The following UNC13C variants were observed in gnomAD, a reference collection of about 807,000 sequenced individuals.
The protein encoded by UNC13C is unc-13 homolog C.
Under a neutral mutation model 245.4 loss-of-function variants are expected in UNC13C, and 174 were observed. The ratio of observed to expected loss-of-function variants is 0.71; its 90% CI spans 0.63 to 0.80. The LOEUF (loss-of-function observed/expected upper bound fraction) is 0.80. Ranked by LOEUF, UNC13C falls within the 30% of genes least tolerant of loss-of-function variation. The pLI is 0.00. For synonymous variants in UNC13C, 992 were observed against 895.1 expected (o/e 1.11, Z -1.93); for missense variants, 2,829 against 2,602.9 (o/e 1.09, Z -1.89).
chr15:54,354,931 G>A (rs1243188052), intron 17 of UNC13C, among the ~76,000 whole-genome samples: 1 of 152,130 alleles, frequency 6.6e-6, no homozygotes, highest in East Asian at 1.9e-4. Flanking sequence ...CAAGGGCTCT[G>A]CCCACATGAA....
At chr15:54,019,540 A>G (rs1187977405) in intron 2 of UNC13C, among the ~76,000 whole-genome samples, 2 of 152,230 alleles carry the variant, frequency 1.3e-5, no homozygotes, top group African/African-American at 4.8e-5. Flanking sequence ...TTGTATTTGC[A>G]GTCTGATACA....
intron 1 of UNC13C, among the ~76,000 whole-genome samples, chr15:53,982,667 G>A (rs1893972866): frequency 6.6e-6 from 1 of 152,138 alleles, no homozygotes. Flanking sequence ...ATTCCAACAA[G>A]AGTCCAGTGC....
intron 31 of UNC13C, among the ~76,000 whole-genome samples, chr15:54,623,259 T>C (rs1374233156): frequency 1.3e-5 from 2 of 152,042 alleles, no homozygotes; most frequent in African/African-American, 4.8e-5. Flanking sequence ...TGGCTAAATA[T>C]AGGATGAAAT....
intron 14 of UNC13C, among the ~76,000 whole-genome samples, chr15:54,326,282 G>C (rs1280457790): frequency 1.3e-5 from 2 of 151,906 alleles, no homozygotes; most frequent in African/African-American, 4.8e-5. Flanking sequence ...GAAGGGGGTT[G>C]GTAAAAGTTT....
intron 28 of UNC13C, among the ~76,000 whole-genome samples, chr15:54,552,558 AT>A (rs1393263724): frequency 3.4e-5 from 3 of 88,170 alleles, no homozygotes; most frequent in South Asian, 3.4e-4. Flanking sequence ...ATTGTATATA[AT>A]TATATATTAT....
At chr15:54,269,464 T>C (rs897982889) in intron 10 of UNC13C, among the ~76,000 whole-genome samples, 2 of 151,990 alleles carry the variant, frequency 1.3e-5, no homozygotes, top group African/African-American at 4.8e-5. Context: ...GAAATATTGA[T>C]CCAGTTGTAA....
At chr15:54,609,548 T>G (rs1264691563) in intron 30 of UNC13C, 1 of 152,200 alleles carries the variant, frequency 6.6e-6, no homozygotes, top group East Asian at 1.9e-4. Flanking sequence ...TTTTATATGT[T>G]TAAACATTTT....
At chr15:53,939,032 C>T in the UNC13C span, among the ~76,000 whole-genome samples, 1 of 151,710 alleles carries the variant, frequency 6.6e-6, no homozygotes, top group Non-Finnish European at 1.5e-5. Flanking sequence ...CCAAGAAAAA[C>T]TCTTAAAAAA....
chr15:54,138,953 A>ATTTT (rs56255946), intron 2 of UNC13C, among the ~76,000 whole-genome samples: 704 of 48,534 alleles, frequency 0.015, 155 homozygotes, highest in African/African-American at 0.051. Context: ...ATTTCCCCTA[A>ATTTT]TTTTTTTTTT....
the UNC13C span, among the ~76,000 whole-genome samples, chr15:53,957,010 A>C: frequency 6.6e-6 from 1 of 152,160 alleles, no homozygotes; most frequent in Non-Finnish European, 1.5e-5. Context: ...TATTATCTTC[A>C]TAGAAATATT....
intron 19 of UNC13C, among the ~76,000 whole-genome samples, chr15:54,418,556 G>A (rs768827406): frequency 2.3e-4 from 35 of 151,978 alleles, no homozygotes; most frequent in Non-Finnish European, 4.3e-4. Context: ...TAGGGCTTTC[G>A]AAGAGATTAG....
chr15:54,143,177 T>A (rs2032102488), intron 3 of UNC13C, 137 bp downstream of exon 3: 2 of 887,730 alleles, frequency 2.3e-6, no homozygotes, highest in East Asian at 2.4e-5. Flanking sequence ...CATTATTTGG[T>A]TGTCCTTTAA....
intron 18 of UNC13C, among the ~76,000 whole-genome samples, chr15:54,396,481 G>T (rs2040072079): frequency 6.6e-6 from 1 of 151,450 alleles, no homozygotes; most frequent in Admixed American, 6.6e-5. Flanking sequence ...TTTTTGAGTA[G>T]TATTCCATTG....
In UNC13C at chr15:54,237,816, T is replaced by C. The variant is rs1204337835; in HGVS notation, c.3228+126T>C. 3 of 802,800 alleles carry C rather than the reference T, an allele frequency of 3.7e-6. No individual in the cohort carries two copies. In the African/African-American group the frequency reaches 5.2e-5, roughly 14 times the overall value. 49.7% of individuals were successfully genotyped at this position (802,800 alleles called of 1,614,324 possible). Reference sequence around the variant, plus strand: ...AATGTTCCAGAAATAACTGGGAGCATGAGGAAAGCCTGACTCCAAACAAAC... The same window carrying C: ...AATGTTCCAGAAATAACTGGGAGCACGAGGAAAGCCTGACTCCAAACAAAC... On this transcript the variant is annotated intron_variant, in intron 7 of 32. Coordinates refer to ENST00000260323, the MANE Select transcript of UNC13C (RefSeq NM_001080534.3).
the UNC13C span, among the ~76,000 whole-genome samples, chr15:53,843,988 A>G: frequency 6.6e-6 from 1 of 152,194 alleles, no homozygotes; most frequent in Non-Finnish European, 1.5e-5. Context: ...AGAACAGAAG[A>G]GCCTGAGCAT....
the UNC13C span, among the ~76,000 whole-genome samples, chr15:53,959,131 CT>C: frequency 1.3e-5 from 2 of 152,064 alleles, no homozygotes; most frequent in African/African-American, 4.8e-5. Flanking sequence ...GGATTTCATT[CT>C]TTTTTATGGC....
intron 29 of UNC13C, among the ~76,000 whole-genome samples, chr15:54,563,177 C>T (rs1001189908): frequency 3.3e-5 from 5 of 151,936 alleles, no homozygotes; most frequent in Non-Finnish European, 2.9e-5. Context: ...TCCAGACTAC[C>T]GGGACCCTTC....
At chr15:54,093,389 G>C (rs1899674138) in intron 2 of UNC13C, among the ~76,000 whole-genome samples, 1 of 152,132 alleles carries the variant, frequency 6.6e-6, no homozygotes, top group Non-Finnish European at 1.5e-5. Flanking sequence ...AGTTGTGTTT[G>C]TTGAACGTTA....
At chr15:54,504,372 C>A (rs914111983) in intron 22 of UNC13C, among the ~76,000 whole-genome samples, 5 of 152,068 alleles carry the variant, frequency 3.3e-5, no homozygotes, top group African/African-American at 1.2e-4. Context: ...TCACTTTATA[C>A]ATTTTCTTAT....
Sources: gnomAD v4.1 joint callset for allele counts (sites outside exome capture counted in the v4.1 genomes callset) on GRCh38, gnomAD v4.1.1 for gene constraint, MANE v1.5 for transcripts, NCBI Gene and HGNC (gene_info 2026-07-23, HGNC 2026-07-21) for gene names.